ETS2: variants seen among roughly 807,000 people sequenced by gnomAD.
ETS2 encodes protein C-ets-2.
Under a neutral mutation model 54.9 loss-of-function variants are expected in ETS2, and 19 were observed. The ratio of observed to expected loss-of-function variants is 0.35; its 90% CI spans 0.24 to 0.51. ETS2 has a LOEUF of 0.51. Ranked by LOEUF, ETS2 falls within the 20% of genes least tolerant of loss-of-function variation. The probability of loss-of-function intolerance (pLI) is 0.97; values close to 1 mark genes in which losing one functional copy is unlikely to be tolerated. For missense variants in ETS2, 417 were observed against 593.0 expected (o/e 0.70, Z 3.08); for synonymous variants, 219 against 229.3 (o/e 0.95, Z 0.41).
rs184634189 is a variant in ETS2, at chr21:38,814,277, C to T, written c.189C>T (p.Ser63=). 31 of 1,614,008 alleles carry T rather than the reference C, an allele frequency of 1.9e-5. No homozygotes were observed. The highest frequency in any genetic ancestry group is 4.5e-5 in the East Asian group (2 of 44,884). ...PTGLDSISHD[S]ANCELPLLTP... is the part of the protein sequence containing the mutation. ...CCATGGGGGGTTTCCTTCCAGACTC[C>T]GCCAACTGTGAATTGCCTTTGTTAA... Residue 63 remains serine (S), a synonymous_variant, in exon 4 of 10, where the codon TCC becomes TCT. Coordinates refer to ENST00000360938, the MANE Select transcript of ETS2 (RefSeq NM_005239.6). The surrounding 1 kb of genome is among the most constrained non-coding windows in gnomAD (Gnocchi z 4.2).
In ETS2 at chr21:38,806,458, A is replaced by T. The variant is rs1186594121; in HGVS notation, c.-1+338A>T. 1 of 985,322 alleles carries T rather than the reference A, an allele frequency of 1.0e-6. No homozygotes were observed. Among genetic ancestry groups the T allele is most frequent in the Non-Finnish European group, 1.2e-6 (1 of 830,040 alleles). 61.0% of individuals were successfully genotyped at this position (985,322 alleles called of 1,614,324 possible). A position where few individuals can be genotyped will look rare whatever the true frequency, so the allele number is the denominator to read the frequency against. ...CGCTTTTGTTTTTAAAAGGAAACGC[A>T]GGCCTGGTAGGGGGTCCTGCCCAGT... On this transcript the variant is annotated intron_variant, in intron 1 of 9. Transcript: ENST00000360938. The surrounding 1 kb of genome is among the most constrained non-coding windows in gnomAD (Gnocchi z 4.3).
In ETS2 at chr21:38,806,202, G is replaced by T; in HGVS notation, c.-1+82G>T. On this transcript the variant is annotated intron_variant, in intron 1 of 9. Transcript: ENST00000360938. This position sits in a 1 kb window ranked among gnomAD's most constrained non-coding sequence, Gnocchi z 4.3. The stretch of plus-strand genomic sequence containing the variant: ...CACCCGGGGCCTGGGCGGGGGTCGC[G>T]GGGGGCACTGACACGCAGATCTCGG... 4.0e-6 allele frequency: 4 copies of T among 992,556 alleles called. No individual in the cohort carries two copies. Among genetic ancestry groups the T allele is most frequent in the Non-Finnish European group, 4.8e-6 (4 of 835,732 alleles). The allele number at this position is 992,556 out of a possible 1,614,324, so 61.5% of individuals were successfully genotyped here.
At chr21:38,820,797 C>CAGA (rs1456579177) in intron 8 of ETS2, among the ~76,000 whole-genome samples, 4 of 152,182 alleles carry the variant, frequency 2.6e-5, no homozygotes, top group Non-Finnish European at 5.9e-5. Flanking sequence ...TGAGGAAGAG[C>CAGA]TATTTGGTAG....
chr21:38,810,377 C>A (rs574725319), intron 2 of ETS2, among the ~76,000 whole-genome samples: 1 of 152,148 alleles, frequency 6.6e-6, no homozygotes, highest in African/African-American at 2.4e-5. Flanking sequence ...AGGTGAAAAT[C>A]CTATAACTCC....
chr21:38,822,522 G>C, intron 9 of ETS2, 152 bp from the exon 10 acceptor site: 1 of 633,916 alleles, frequency 1.6e-6, no homozygotes. Context: ...GGTACTCAGA[G>C]GTACTCAAAA....
chr21:38,812,803 C>T (rs1021382058), intron 2 of ETS2, among the ~76,000 whole-genome samples, 200 bp from the exon 3 acceptor site: 55 of 152,026 alleles, frequency 3.6e-4, no homozygotes, highest in African/African-American at 1.3e-3. Context: ...TAATAATCCA[C>T]AGTAAAATAC....
At chr21:38,808,527 A>G (rs2060901846) in intron 1 of ETS2, among the ~76,000 whole-genome samples, 1 of 151,176 alleles carries the variant, frequency 6.6e-6, no homozygotes, top group Non-Finnish European at 1.5e-5. Context: ...CGAGTGTTTT[A>G]ACAGAATTTT....
upstream of ETS2, chr21:38,805,686 G>C (rs1320136837): frequency 1.7e-6 from 2 of 1,162,866 alleles, no homozygotes; most frequent in South Asian, 1.6e-5. The surrounding 1 kb of genome is among the most constrained non-coding windows in gnomAD (Gnocchi z 5.2). Flanking sequence ...CTCTCCCCTC[G>C]TGCGTTCCCT....
At chr21:38,805,540 G>T, upstream of ETS2, 11 of 1,286,246 alleles carry the variant, frequency 8.6e-6, no homozygotes, top group Non-Finnish European at 1.1e-5. The surrounding 1 kb of genome is among the most constrained non-coding windows in gnomAD (Gnocchi z 5.2). Flanking sequence ...CGCACGTGGG[G>T]CCGAGGCCCT....
intron 1 of ETS2, among the ~76,000 whole-genome samples, chr21:38,807,417 C>CT (rs369913456): frequency 0.34 from 45,429 of 133,276 alleles, 8,249 homozygotes; most frequent in East Asian, 0.45. Context: ...GCTCTTTATC[C>CT]TTTTTTTTTT....
In ETS2 at chr21:38,810,065, C is replaced by A. The variant is rs2060907988; in HGVS notation, c.31C>A (p.Gln11Lys). 6.4e-7 allele frequency: 1 copy of A among 1,564,210 alleles called. No homozygotes were observed. Reference sequence around the variant, plus strand: ...TGATTTCGGAATCAAGAATATGGACCAGGTAGCCCCTGTGGCTAACAGTTA... The same window carrying A: ...TGATTTCGGAATCAAGAATATGGACAAGGTAGCCCCTGTGGCTAACAGTTA... MNDFGIKNMD[Q>K]VAPVANSYRG... Residue 11 changes from glutamine to lysine, a missense_variant, in exon 2 of 10, where the codon CAG (glutamine) becomes AAG (lysine). Physicochemically the swap from Gln to Lys is moderately conservative, Grantham distance 53. Coordinates refer to ENST00000360938, the MANE Select transcript of ETS2 (RefSeq NM_005239.6).
Position 38,814,945 on chromosome 21 carries a change from G to T in ETS2, c.469G>T (p.Asp157Tyr). The change falls in exon 5 of 10, where the codon GAC (aspartate) becomes TAC (tyrosine). Residue 157 changes from aspartate to tyrosine, a missense_variant. Coordinates refer to ENST00000360938, the MANE Select transcript of ETS2 (RefSeq NM_005239.6). The surrounding 1 kb of genome is among the most constrained non-coding windows in gnomAD (Gnocchi z 4.2). ...FLELAPDFVG[D>Y]ILWEHLEQMI... is the part of the protein sequence containing the mutation. ...GGAGCTGGCACCTGACTTTGTGGGTGACATTCTCTGGGAACATCTGGAGCA... is the reference window on the plus strand; with the variant it reads ...GGAGCTGGCACCTGACTTTGTGGGTTACATTCTCTGGGAACATCTGGAGCA... The T allele has an allele frequency of 6.2e-7, 1 of 1,614,158 alleles. No homozygotes were observed. Among genetic ancestry groups the T allele is most frequent in the Non-Finnish European group, 8.5e-7 (1 of 1,180,032 alleles).
In ETS2 at chr21:38,814,829, C is replaced by T; in HGVS notation, c.353C>T (p.Ala118Val). ...EQQVCQWLLW[A>V]TNEFSLVNVN... ...CAGGTATGCCAGTGGCTTCTCTGGG[C>T]CACCAATGAGTTCAGTCTGGTGAAC... Residue 118 changes from alanine (A) to valine (V), a missense_variant, in exon 5 of 10, where the codon GCC becomes GTC. By Grantham distance (64) the Ala-to-Val change is moderately conservative. Transcript: ENST00000360938. This position sits in a 1 kb window ranked among gnomAD's most constrained non-coding sequence, Gnocchi z 4.2. 6.2e-7 allele frequency: 1 copy of T among 1,614,164 alleles called. No individual in the cohort carries two copies. Among genetic ancestry groups the T allele is most frequent in the Non-Finnish European group, 8.5e-7 (1 of 1,180,038 alleles).
upstream of ETS2, chr21:38,805,484 C>A (rs1335530923): frequency 7.8e-7 from 1 of 1,288,146 alleles, no homozygotes; most frequent in South Asian, 1.2e-5. The surrounding 1 kb of genome is among the most constrained non-coding windows in gnomAD (Gnocchi z 5.2). Flanking sequence ...GGACGCCGAG[C>A]GCTCCACGGA....
Position 38,814,819 on chromosome 21 carries a change from C to T in ETS2, c.343C>T (p.Leu115Phe), listed in dbSNP as rs753854772. The change falls in exon 5 of 10, where the codon CTT (leucine) becomes TTT (phenylalanine). Residue 115 changes from leucine (L) to phenylalanine (F), a missense_variant. Transcript: ENST00000360938. This position sits in a 1 kb window ranked among gnomAD's most constrained non-coding sequence, Gnocchi z 4.2. Reference sequence around the variant, plus strand: ...GAGTGAGCAACAGGTATGCCAGTGGCTTCTCTGGGCCACCAATGAGTTCAG... The same window carrying T: ...GAGTGAGCAACAGGTATGCCAGTGGTTTCTCTGGGCCACCAATGAGTTCAG... ...LWSEQQVCQW[L>F]LWATNEFSLV... is the part of the protein sequence containing the mutation. 1.5e-5 allele frequency: 24 copies of T among 1,614,062 alleles called. No individual in the cohort carries two copies. Among genetic ancestry groups the T allele is most frequent in the Non-Finnish European group, 1.9e-5 (22 of 1,180,046 alleles).
Position 38,806,333 on chromosome 21 carries a change from G to C in ETS2, c.-1+213G>C. On this transcript the variant is annotated intron_variant, in intron 1 of 9. Coordinates refer to ENST00000360938, the MANE Select transcript of ETS2 (RefSeq NM_005239.6). The surrounding 1 kb of genome is among the most constrained non-coding windows in gnomAD (Gnocchi z 4.3). The stretch of plus-strand genomic sequence containing the variant: ...TTTTCCGGTTATGGAGTGGCCTCCG[G>C]GGCTGGCGGGGTCGGCCGGGGGGTT... 3 of 968,242 alleles carry C rather than the reference G, an allele frequency of 3.1e-6. No individual in the cohort carries two copies. Among genetic ancestry groups the C allele is most frequent in the Non-Finnish European group, 3.7e-6 (3 of 814,246 alleles). The allele number at this position is 968,242 out of a possible 1,614,324, so 60.0% of individuals were successfully genotyped here. A position where few individuals can be genotyped will look rare whatever the true frequency, so the allele number is the denominator to read the frequency against.
At position 38,818,425 on chromosome 21, in the gene ETS2, G is replaced by A. The variant is rs772028653; in HGVS notation, c.590G>A (p.Gly197Asp). The change falls in exon 7 of 10, where the codon GGT becomes GAT. Residue 197 changes from glycine to aspartate, a missense_variant and splice_region_variant. Gly to Asp is a moderately conservative substitution (Grantham distance 94, BLOSUM62 -1). Coordinates refer to ENST00000360938, the MANE Select transcript of ETS2 (RefSeq NM_005239.6). ...CTGCCGTCCGATTGTTCTGTTCCAG[G>A]TTTTGGCACAGAGCAGGCGCCCTAT... ...VPHWINSNTLGFGTEQAPYGM... is the reference protein window; with the variant it reads ...VPHWINSNTLDFGTEQAPYGM... 9 of 1,614,056 alleles carry A rather than the reference G, an allele frequency of 5.6e-6. No homozygotes were observed. In the South Asian group the frequency reaches 6.6e-5, roughly 12 times the overall value.
chr21:38,819,870 A>G (rs2060951026), intron 8 of ETS2, 104 bp downstream of exon 8: 1 of 1,122,910 alleles, frequency 8.9e-7, no homozygotes, highest in Admixed American at 2.3e-5. Context: ...TTTCTAAGCT[A>G]GGTACACCAG....
intron 1 of ETS2, among the ~76,000 whole-genome samples, chr21:38,809,198 C>T (rs2060904815): frequency 1.3e-5 from 2 of 151,752 alleles, no homozygotes; most frequent in African/African-American, 4.8e-5. Context: ...TTCTTTTTTC[C>T]ACTAAGTCTT....
Sources: gnomAD v4.1 joint callset for allele counts (sites outside exome capture counted in the v4.1 genomes callset) on GRCh38, gnomAD v4.1.1 for gene constraint, Gnocchi (gnomAD v3.1) non-coding constraint, MANE v1.5 for transcripts, NCBI Gene and HGNC (gene_info 2026-07-23, HGNC 2026-07-21) for gene names.